HS2ST1: variants seen among roughly 807,000 people sequenced by gnomAD.
The protein encoded by HS2ST1 is 2-O-sulfotransferase.
Under a neutral mutation model 42.9 loss-of-function variants are expected in HS2ST1, and 18 were observed. The ratio of observed to expected loss-of-function variants is 0.42; its 90% confidence interval spans 0.29 to 0.62. HS2ST1 has a LOEUF of 0.62. Ranked by LOEUF, HS2ST1 falls within the 20% of genes least tolerant of loss-of-function variation. The pLI is 0.21. For missense variants in HS2ST1, 334 were observed against 433.8 expected, an observed-to-expected ratio of 0.77 and a Z score of 2.04; for synonymous variants, 146 against 152.9, an observed-to-expected ratio of 0.95 and a Z score of 0.33.
At chr1:86,960,227 CAAAA>C (rs145286319) in intron 1 of HS2ST1, among the ~76,000 whole-genome samples, 7 of 131,470 alleles carry the variant, frequency 5.3e-5, no homozygotes, top group Admixed American at 1.5e-4. Flanking sequence ...TCCACGCCAC[CAAAA>C]AAAAAAAAAA....
At chr1:86,993,646 G>A (rs1048983345) in intron 1 of HS2ST1, among the ~76,000 whole-genome samples, 3 of 152,036 alleles carry the variant, frequency 2.0e-5, no homozygotes, top group African/African-American at 4.8e-5. Flanking sequence ...TAGATTTTTA[G>A]TTGAGACATT....
At chr1:87,021,705 A>G (rs957307575) in intron 1 of HS2ST1, among the ~76,000 whole-genome samples, 2 of 152,116 alleles carry the variant, frequency 1.3e-5, no homozygotes, top group Non-Finnish European at 2.9e-5. Flanking sequence ...TTATGGAGAC[A>G]CAGTCTCACT....
chr1:86,996,066 G>A (rs2100564611), intron 1 of HS2ST1, among the ~76,000 whole-genome samples: 1 of 152,170 alleles, frequency 6.6e-6, no homozygotes, highest in Admixed American at 6.5e-5. Context: ...TTTAATGATA[G>A]CCTGTAACTA....
Position 87,063,747 on chromosome 1 carries a change from C to T in HS2ST1, c.125-9187C>T, listed in dbSNP as rs80268896. Reference sequence around the variant, plus strand: ...TAATTGCTCATTAAAGAATTTTTATCGTGGCTGCTTTAAGTCTTTGATAAA... The same window carrying T: ...TAATTGCTCATTAAAGAATTTTTATTGTGGCTGCTTTAAGTCTTTGATAAA... On this transcript the variant is annotated intron_variant, in intron 1 of 6. Transcript: ENST00000370550. 7.8e-4 allele frequency among the ~76,000 whole-genome samples: 119 copies of T among 152,118 alleles called. No individual in the cohort carries two copies. The East Asian group carries it at 0.014, about 18-fold the overall frequency.
At chr1:86,919,045 C>T (rs945929108) in intron 1 of HS2ST1, among the ~76,000 whole-genome samples, 9 of 151,350 alleles carry the variant, frequency 5.9e-5, no homozygotes, top group Non-Finnish European at 8.8e-5. Flanking sequence ...GGCACGATTT[C>T]GGCTCACTCC....
chr1:86,998,042 C>G (rs960629094), intron 1 of HS2ST1, among the ~76,000 whole-genome samples: 6 of 152,196 alleles, frequency 3.9e-5, no homozygotes, highest in Non-Finnish European at 7.3e-5. Flanking sequence ...ATGATTCTTA[C>G]TAACTTTTCA....
At chr1:86,964,286 C>T (rs1230504646) in intron 1 of HS2ST1, among the ~76,000 whole-genome samples, 4 of 152,196 alleles carry the variant, frequency 2.6e-5, no homozygotes, top group East Asian at 3.9e-4. Flanking sequence ...CCAAGGCAGG[C>T]GGCTGGGAGG....
intron 1 of HS2ST1, among the ~76,000 whole-genome samples, chr1:86,980,072 A>C (rs61771741): frequency 0.11 from 17,163 of 152,276 alleles, 1,047 homozygotes; most frequent in African/African-American, 0.14. Flanking sequence ...AGGAGGAATT[A>C]TCTCTAAAAA....
chr1:86,970,620 C>A (rs915503872), intron 1 of HS2ST1, among the ~76,000 whole-genome samples: 38 of 152,244 alleles, frequency 2.5e-4, no homozygotes, highest in African/African-American at 8.2e-4. Context: ...TCTCGAACAC[C>A]TGACCTCAAG....
At chr1:86,975,586 T>C (rs921989697) in intron 1 of HS2ST1, among the ~76,000 whole-genome samples, 3 of 152,192 alleles carry the variant, frequency 2.0e-5, no homozygotes, top group Admixed American at 2.0e-4. Context: ...GTAGTTAGTG[T>C]AGTTAATAAA....
At chr1:87,100,141 A>G (rs1652164737) in intron 5 of HS2ST1, among the ~76,000 whole-genome samples, 1 of 152,184 alleles carries the variant, frequency 6.6e-6, no homozygotes, top group African/African-American at 2.4e-5. Context: ...CAGCTCCACT[A>G]GGCAGTTCCC....
At chr1:87,023,064 C>G (rs1367737375) in intron 1 of HS2ST1, among the ~76,000 whole-genome samples, 1 of 152,126 alleles carries the variant, frequency 6.6e-6, no homozygotes. Context: ...TAAACAAATA[C>G]AAAATTTGTG....
At chr1:87,021,401 G>GTA (rs1649946634) in intron 1 of HS2ST1, among the ~76,000 whole-genome samples, 1 of 152,256 alleles carries the variant, frequency 6.6e-6, no homozygotes, top group Admixed American at 6.5e-5. Context: ...TAATAAAGAA[G>GTA]TATAGCCTTT....
At chr1:87,037,769 T>G (rs2100601659) in intron 1 of HS2ST1, among the ~76,000 whole-genome samples, 1 of 152,072 alleles carries the variant, frequency 6.6e-6, no homozygotes, top group South Asian at 2.1e-4. Flanking sequence ...AGTGAATGTA[T>G]TCTACAACTT....
intron 1 of HS2ST1, among the ~76,000 whole-genome samples, chr1:86,920,779 C>T (rs971968993): frequency 1.2e-4 from 19 of 152,142 alleles, no homozygotes; most frequent in Non-Finnish European, 2.1e-4. Context: ...CCTGTACTTA[C>T]GTATTCTGCC....
chr1:87,033,457 A>C (rs780715250), intron 1 of HS2ST1, among the ~76,000 whole-genome samples: 3 of 152,226 alleles, frequency 2.0e-5, no homozygotes, highest in Non-Finnish European at 4.4e-5. Context: ...ATGCCTTCAC[A>C]GCAGCTCCAT....
At chr1:87,001,945 C>G (rs945407818) in intron 1 of HS2ST1, among the ~76,000 whole-genome samples, 9 of 149,128 alleles carry the variant, frequency 6.0e-5, no homozygotes, top group African/African-American at 2.2e-4. Flanking sequence ...TGGAATCTTG[C>G]TGTGTTGCCC....
At chr1:87,068,524 C>T (rs1027157535) in intron 1 of HS2ST1, among the ~76,000 whole-genome samples, 17 of 152,188 alleles carry the variant, frequency 1.1e-4, no homozygotes, top group South Asian at 2.1e-4. Context: ...ATGACTTCCT[C>T]TTTTCCTAAT....
chr1:86,990,812 T>TTATA lies in HS2ST1; in HGVS notation c.124+75674_124+75677dup, dbSNP rs57401994. On this transcript the variant is annotated intron_variant, in intron 1 of 6. Coordinates refer to ENST00000370550, the MANE Select transcript of HS2ST1 (RefSeq NM_012262.4). ...CATATGCCACCATGCCTGGCTAATT[T>TTATA]TATATATATATATATATATATATAT... is the stretch of plus-strand genomic sequence containing the variant. 1.1e-3 allele frequency among the ~76,000 whole-genome samples: 11 copies of TTATA among 10,258 alleles called. 1 individual carries two copies. Among genetic ancestry groups the TTATA allele is most frequent in the African/African-American group, 1.6e-3 (11 of 6,860 alleles). The allele number at this position is 10,258 out of a possible 152,430, so 6.7% of individuals were successfully genotyped here. A position where few individuals can be genotyped will look rare whatever the true frequency, so the allele number is the denominator to read the frequency against.
Sources: allele counts gnomAD v4.1 joint callset (sites outside exome capture counted in the v4.1 genomes callset), GRCh38; gene constraint gnomAD v4.1.1; transcripts MANE v1.5; gene names NCBI Gene and HGNC (gene_info 2026-07-23, HGNC 2026-07-21).